The following AGO2 variants were observed in gnomAD, a reference collection of about 807,000 sequenced individuals.
AGO2 encodes protein argonaute-2.
Under a neutral mutation model 102.3 loss-of-function variants are expected in AGO2, and 5 were observed. The observed-to-expected ratio is 0.05, with a 90% CI of 0.03 to 0.10. The LOEUF is 0.10. Ranked by LOEUF, AGO2 falls within the 10% of genes least tolerant of loss-of-function variation. AGO2 has a pLI of 1.00. For synonymous variants in AGO2, 449 were observed against 473.1 expected (o/e 0.95, Z 0.66); for missense variants, 541 against 1,183.7 (o/e 0.46, Z 7.97).
chr8:140,563,475 A>G (rs2073234446), intron 3 of AGO2, among the ~76,000 whole-genome samples: 1 of 152,144 alleles, frequency 6.6e-6, no homozygotes, highest in African/African-American at 2.4e-5. Flanking sequence ...GGCTCAAGGG[A>G]TCCTCCCACC....
chr8:140,610,517 C>A (rs2133065048), intron 1 of AGO2, among the ~76,000 whole-genome samples: 1 of 152,322 alleles, frequency 6.6e-6, no homozygotes, highest in South Asian at 2.1e-4. Context: ...CCGTGCCTGG[C>A]CAGAGGCTTT....
intron 3 of AGO2, among the ~76,000 whole-genome samples, chr8:140,569,574 C>T (rs2073345462): frequency 6.6e-6 from 1 of 152,210 alleles, no homozygotes; most frequent in Admixed American, 6.5e-5. Flanking sequence ...AGCTGCAGAC[C>T]TTCCATGGGA....
intron 1 of AGO2, among the ~76,000 whole-genome samples, chr8:140,601,882 C>T (rs763406383): frequency 1.6e-4 from 24 of 152,146 alleles, no homozygotes; most frequent in Non-Finnish European, 2.1e-4. Context: ...GGCAGGTCAG[C>T]GGCGGGCCAG....
intron 1 of AGO2, among the ~76,000 whole-genome samples, chr8:140,617,080 C>G (rs1295750594): frequency 6.6e-6 from 1 of 152,216 alleles, no homozygotes; most frequent in Non-Finnish European, 1.5e-5. Context: ...GTGGACCCCC[C>G]TCATCCCCAC....
At chr8:140,547,853 G>A (rs1280057088) in intron 12 of AGO2, among the ~76,000 whole-genome samples, 1 of 152,254 alleles carries the variant, frequency 6.6e-6, no homozygotes, top group Non-Finnish European at 1.5e-5. Context: ...GCACGGCTGT[G>A]CCCGCCTCGC....
chr8:140,545,004 C>T (rs2072874963), intron 13 of AGO2, among the ~76,000 whole-genome samples: 1 of 152,172 alleles, frequency 6.6e-6, no homozygotes, highest in South Asian at 2.1e-4. Context: ...CCCCACCCAG[C>T]CTTGCTCGGC....
At chr8:140,632,905 T>C (rs1322218884) in intron 1 of AGO2, among the ~76,000 whole-genome samples, 2 of 151,696 alleles carry the variant, frequency 1.3e-5, no homozygotes, top group Admixed American at 6.6e-5. Context: ...ATTTTTCTTT[T>C]CTTTTTTTTT....
chr8:140,582,305 C>T (rs1270760748), intron 2 of AGO2, among the ~76,000 whole-genome samples: 1 of 152,146 alleles, frequency 6.6e-6, no homozygotes, highest in African/African-American at 2.4e-5. Context: ...TTGAGCACCC[C>T]TAATCTGAAA....
chr8:140,547,363 G>A, intron 13 of AGO2, 105 bp downstream of exon 13: 5 of 1,429,698 alleles, frequency 3.5e-6, no homozygotes, highest in East Asian at 2.3e-5. Context: ...GCTGGGCCCA[G>A]GTGAAGGGAC....
chr8:140,618,227 G>A (rs1469479633), intron 1 of AGO2, among the ~76,000 whole-genome samples: 1 of 152,136 alleles, frequency 6.6e-6, no homozygotes, highest in African/African-American at 2.4e-5. Context: ...GGCTAAGGCA[G>A]GAGAATCGCT....
chr8:140,607,955 T>C (rs980726499), intron 1 of AGO2, among the ~76,000 whole-genome samples: 2 of 152,166 alleles, frequency 1.3e-5, no homozygotes, highest in African/African-American at 2.4e-5. Flanking sequence ...ATATGGAAGA[T>C]CTAATCAATA....
chr8:140,580,097 C>T (rs775423377), intron 2 of AGO2, among the ~76,000 whole-genome samples: 3 of 152,212 alleles, frequency 2.0e-5, no homozygotes, highest in Non-Finnish European at 4.4e-5. Context: ...GTCGTGTGGG[C>T]CTTGCCCCCA....
chr8:140,564,931 C>T (rs568894091), intron 3 of AGO2, among the ~76,000 whole-genome samples: 21 of 151,926 alleles, frequency 1.4e-4, no homozygotes, highest in Admixed American at 5.2e-4. Flanking sequence ...GTCAGGAGTT[C>T]GAGACCACCC....
intron 10 of AGO2, 56 bp downstream of exon 10, chr8:140,555,840 G>A (rs1225296491): frequency 3.8e-6 from 6 of 1,573,812 alleles, no homozygotes; most frequent in African/African-American, 1.3e-5. Context: ...CCTGAGAGGG[G>A]TCGCAGGGCA....
chr8:140,577,558 A>G (rs2073486191), intron 2 of AGO2, among the ~76,000 whole-genome samples: 1 of 152,208 alleles, frequency 6.6e-6, no homozygotes, highest in Non-Finnish European at 1.5e-5. Context: ...CCTAAAATAG[A>G]AGTAGAAATC....
rs2074398129 is a variant in AGO2 at position 140,635,583 on chromosome 8, G to C, written c.-77C>G. On this transcript the variant is annotated 5_prime_UTR_variant, in exon 1 of 19. Transcript: ENST00000220592. ...CGGGCCCCGACGCCGCGAGCCGCGA[G>C]GGAGCCGCCGGCCGCACGATCCGCC... 1.5e-5 allele frequency: 14 copies of C among 941,200 alleles called. No homozygotes were observed. Among genetic ancestry groups the C allele is most frequent in the Non-Finnish European group, 1.6e-5 (13 of 792,736 alleles). The allele number at this position is 941,200 out of a possible 1,614,324, so 58.3% of individuals were successfully genotyped here. A position where few individuals can be genotyped will look rare whatever the true frequency, so the allele number is the denominator to read the frequency against.
At chr8:140,629,323 G>A (rs1588519848) in intron 1 of AGO2, among the ~76,000 whole-genome samples, 1 of 152,116 alleles carries the variant, frequency 6.6e-6, no homozygotes, top group African/African-American at 2.4e-5. Flanking sequence ...AGGATTCGTG[G>A]GGAATGTGCT....
chr8:140,634,051 T>C (rs374203690), intron 1 of AGO2, among the ~76,000 whole-genome samples: 3 of 152,306 alleles, frequency 2.0e-5, no homozygotes, highest in South Asian at 2.1e-4. Flanking sequence ...GCCCGGTCCT[T>C]TCCCAAGAGG....
chr8:140,610,871 A>G (rs2074066762), intron 1 of AGO2, among the ~76,000 whole-genome samples: 1 of 152,248 alleles, frequency 6.6e-6, no homozygotes, highest in Non-Finnish European at 1.5e-5. Flanking sequence ...CTCCATGCAG[A>G]TGAGATTTTA....
Sources: allele counts gnomAD v4.1 joint callset (sites outside exome capture counted in the v4.1 genomes callset), GRCh38; gene constraint gnomAD v4.1.1; transcripts MANE v1.5; gene names NCBI Gene and HGNC (gene_info 2026-07-23, HGNC 2026-07-21).